The following PDE4D variants were observed in gnomAD, a reference collection of about 807,000 sequenced individuals.
PDE4D encodes 3',5'-cyclic-AMP phosphodiesterase 4D.
A neutral mutation model predicts 87.4 loss-of-function variants in PDE4D; 24 were observed. The observed-to-expected ratio is 0.27, with a 90% CI of 0.20 to 0.39. The LOEUF is 0.39. Ranked by LOEUF, PDE4D falls within the 10% of genes least tolerant of loss-of-function variation. PDE4D has a pLI of 1.00. For synonymous variants in PDE4D, 384 were observed against 383.2 expected, an observed-to-expected ratio of 1.00 and a Z score of -0.02; for missense variants, 714 against 1,041.0, an observed-to-expected ratio of 0.69 and a Z score of 4.32.
chr5:59,262,812 G>A (rs1444976685), intron 1 of PDE4D, among the ~76,000 whole-genome samples: 1 of 151,934 alleles, frequency 6.6e-6, no homozygotes, highest in Non-Finnish European at 1.5e-5. Context: ...TCAGTCGGGT[G>A]ATAACCATGT....
intron 1 of PDE4D, among the ~76,000 whole-genome samples, chr5:59,696,277 G>T (rs1316665590): frequency 6.6e-6 from 1 of 152,152 alleles, no homozygotes; most frequent in Non-Finnish European, 1.5e-5. Context: ...CAGAGTCTTA[G>T]TGTATAACTG....
chr5:59,732,394 T>TCACACACACACACACACACACA (rs71604799), intron 1 of PDE4D, among the ~76,000 whole-genome samples: 57 of 146,206 alleles, frequency 3.9e-4, no homozygotes, highest in African/African-American at 1.4e-3. Flanking sequence ...CAGGAGACAT[T>TCACACACACACACACACACACA]CACACACACA....
chr5:59,741,536 T>C (rs1439817103), intron 1 of PDE4D, among the ~76,000 whole-genome samples: 3 of 152,186 alleles, frequency 2.0e-5, no homozygotes, highest in African/African-American at 4.8e-5. Context: ...AAGAATTAAC[T>C]CTGGCTATAT....
intron 1 of PDE4D, chr5:59,275,344 G>A (rs1167816321): frequency 6.3e-7 from 1 of 1,595,066 alleles, no homozygotes. Context: ...TTACCAAACT[G>A]CCTCTGCAGT....
At chr5:59,627,712 GTTA>G (rs1181640911) in intron 1 of PDE4D, among the ~76,000 whole-genome samples, 2 of 152,174 alleles carry the variant, frequency 1.3e-5, no homozygotes, top group African/African-American at 4.8e-5. Context: ...AATATAGATT[GTTA>G]TTCATAGCAA....
intron 1 of PDE4D, among the ~76,000 whole-genome samples, chr5:59,626,146 C>T (rs966129915): frequency 1.3e-5 from 2 of 152,042 alleles, no homozygotes; most frequent in Non-Finnish European, 2.9e-5. Context: ...TTTTAGGGTC[C>T]GTTAACATTA....
chr5:59,385,336 T>C lies in PDE4D; in HGVS notation c.456-169368A>G, dbSNP rs114432356. 2.1e-3 allele frequency among the ~76,000 whole-genome samples: 316 copies of C among 152,286 alleles called. 2 individuals carry two copies. The highest frequency in any genetic ancestry group is 7.3e-3 in the African/African-American group (305 of 41,552). ...GTATTAATATTTTACATTTTTTGGA[T>C]CTTGCATCACTAAAGATGGCTTTAT... On this transcript the variant is annotated intron_variant, in intron 1 of 14. Coordinates refer to ENST00000340635, the MANE Select transcript of PDE4D (RefSeq NM_001104631.2).
chr5:59,522,441 G>C (rs1286895777), intron 1 of PDE4D, among the ~76,000 whole-genome samples: 4 of 152,134 alleles, frequency 2.6e-5, no homozygotes, highest in African/African-American at 9.7e-5. Flanking sequence ...TACACAAACG[G>C]CAATTGAGTA....
chr5:59,355,247 C>A (rs1036342750), intron 1 of PDE4D, among the ~76,000 whole-genome samples: 4 of 152,180 alleles, frequency 2.6e-5, no homozygotes, highest in African/African-American at 9.7e-5. Context: ...ATAAAAATAT[C>A]TTTGCCAAAT....
At chr5:59,291,535 T>G (rs1350513849) in intron 1 of PDE4D, among the ~76,000 whole-genome samples, 2 of 152,048 alleles carry the variant, frequency 1.3e-5, no homozygotes, top group Non-Finnish European at 2.9e-5. Flanking sequence ...GTGACTATAG[T>G]TAACAATTTA....
At chr5:58,989,601 T>A (rs1165889803) in intron 10 of PDE4D, among the ~76,000 whole-genome samples, 154 bp downstream of exon 10, 1 of 152,180 alleles carries the variant, frequency 6.6e-6, no homozygotes, top group East Asian at 1.9e-4. Context: ...AAGACTTGAT[T>A]GTCTATTAAC....
At chr5:59,715,285 G>T (rs973545498) in intron 1 of PDE4D, among the ~76,000 whole-genome samples, 1 of 152,230 alleles carries the variant, frequency 6.6e-6, no homozygotes, top group Non-Finnish European at 1.5e-5. Flanking sequence ...GTTGCAAGAG[G>T]TCTTGAGACC....
intron 1 of PDE4D, among the ~76,000 whole-genome samples, chr5:59,510,046 C>G (rs954859597): frequency 6.7e-6 from 1 of 149,998 alleles, no homozygotes. Context: ...ATACAAATAT[C>G]TCTTCTGTTA....
chr5:59,594,292 T>TTTTATTTTA (rs1826336045), intron 1 of PDE4D, among the ~76,000 whole-genome samples: 2 of 140,962 alleles, frequency 1.4e-5, no homozygotes, highest in South Asian at 2.3e-4. Flanking sequence ...AACTTTTTTA[T>TTTTATTTTA]TTTATTTATT....
chr5:59,001,421 T>C (rs1249416479), intron 6 of PDE4D, among the ~76,000 whole-genome samples: 1 of 152,208 alleles, frequency 6.6e-6, no homozygotes, highest in Admixed American at 6.5e-5. Context: ...TGAGTTTCTA[T>C]TGGCCTTTAG....
intron 1 of PDE4D, among the ~76,000 whole-genome samples, chr5:59,743,347 A>T (rs1561577316): frequency 1.3e-5 from 2 of 152,190 alleles, no homozygotes; most frequent in South Asian, 4.1e-4. Context: ...GAAACAAAAG[A>T]TTAAATAACT....
intron 1 of PDE4D, among the ~76,000 whole-genome samples, chr5:59,446,375 T>C (rs1294114993): frequency 6.6e-6 from 1 of 152,220 alleles, no homozygotes; most frequent in Non-Finnish European, 1.5e-5. Flanking sequence ...GTGAATTCTA[T>C]TAGGATTAAA....
intron 1 of PDE4D, among the ~76,000 whole-genome samples, chr5:59,506,801 C>T (rs1809349514): frequency 6.6e-6 from 1 of 151,990 alleles, no homozygotes; most frequent in Non-Finnish European, 1.5e-5. Flanking sequence ...GAAGTGTTGA[C>T]AAGAATGTGG....
chr5:60,423,614 T>C (rs39726), intron 1 of PDE4D, among the ~76,000 whole-genome samples: 53,715 of 151,642 alleles, frequency 0.35, 10,111 homozygotes, highest in South Asian at 0.51. Flanking sequence ...AATCGACACC[T>C]TAACATCACA....
Sources: allele counts gnomAD v4.1 joint callset (sites outside exome capture counted in the v4.1 genomes callset), GRCh38; gene constraint gnomAD v4.1.1; transcripts MANE v1.5; gene names NCBI Gene and HGNC (gene_info 2026-07-23, HGNC 2026-07-21).